CARMIL1: variants seen among roughly 807,000 people sequenced by gnomAD.
The protein encoded by CARMIL1 is F-actin-uncapping protein LRRC16A.
CARMIL1 carries 90 observed loss-of-function variants against 177.1 expected under a neutral mutation model. The observed-to-expected ratio is 0.51, with a 90% CI of 0.43 to 0.61. CARMIL1 has a LOEUF of 0.61. Ranked by LOEUF, CARMIL1 falls within the 20% of genes least tolerant of loss-of-function variation. The pLI is 0.00. For missense variants in CARMIL1, 1,380 were observed against 1,667.0 expected, an observed-to-expected ratio of 0.83 and a Z score of 3.00; for synonymous variants, 577 against 606.2, an observed-to-expected ratio of 0.95 and a Z score of 0.71.
chr6:25,408,639 G>GA (rs1794625476), intron 2 of CARMIL1, among the ~76,000 whole-genome samples: 1 of 151,928 alleles, frequency 6.6e-6, no homozygotes, highest in African/African-American at 2.4e-5. Context: ...TAAGTGGTGG[G>GA]ACCAGAATTC....
intron 2 of CARMIL1, among the ~76,000 whole-genome samples, chr6:25,294,447 A>G (rs573544612): frequency 1.3e-5 from 2 of 152,236 alleles, no homozygotes; most frequent in South Asian, 4.2e-4. Context: ...CATGTGTCCT[A>G]ACCTAGGAGA....
chr6:25,619,109 C>T (rs979058517), intron 36 of CARMIL1, among the ~76,000 whole-genome samples: 5 of 152,140 alleles, frequency 3.3e-5, no homozygotes, highest in African/African-American at 7.2e-5. Context: ...GGAGCAGAAC[C>T]GCTTCAAAGC....
chr6:25,572,702 C>CA (rs35085655), intron 29 of CARMIL1, among the ~76,000 whole-genome samples: 10,662 of 52,256 alleles, frequency 0.2, 1,153 homozygotes, highest in East Asian at 0.44. Flanking sequence ...GACCTTGTCT[C>CA]AAAAAAAAAA....
At chr6:25,613,792 T>G (rs1816680669) in intron 36 of CARMIL1, among the ~76,000 whole-genome samples, 1 of 152,226 alleles carries the variant, frequency 6.6e-6, no homozygotes, top group African/African-American at 2.4e-5. Context: ...GCTCTTGGAA[T>G]GAGGCTCTTT....
At position 25,551,012 on chromosome 6, in the gene CARMIL1, A is replaced by G; in HGVS notation, c.2431A>G (p.Ile811Val). 6.2e-7 allele frequency: 1 copy of G among 1,613,488 alleles called. No individual in the cohort carries two copies. The highest frequency in any genetic ancestry group is 8.5e-7 in the Non-Finnish European group (1 of 1,179,554). ...CTTGATTCATGCCAGCACCGAAAAG[A>G]TTTCTATTCCACGTACCTTTGTTAA... ...QDLIHASTEK[I>V]SIPRTFVKNV... Residue 811 changes from isoleucine to valine, a missense_variant, in exon 27 of 37, where the codon ATT (isoleucine) becomes GTT (valine). Transcript: ENST00000329474.
chr6:25,542,863 T>C (rs1184938054), intron 26 of CARMIL1, among the ~76,000 whole-genome samples: 9 of 152,182 alleles, frequency 5.9e-5, no homozygotes, highest in Admixed American at 5.9e-4. Context: ...AGGGAAAATG[T>C]ATTTTTAATA....
chr6:25,321,875 G>A (rs992893684), intron 2 of CARMIL1, among the ~76,000 whole-genome samples: 1 of 151,998 alleles, frequency 6.6e-6, no homozygotes, highest in Admixed American at 6.6e-5. Flanking sequence ...AGCCAGGATG[G>A]TCTCAATCTC....
chr6:25,585,543 A>AT (rs1813558445), intron 31 of CARMIL1, among the ~76,000 whole-genome samples: 1 of 150,932 alleles, frequency 6.6e-6, no homozygotes, highest in African/African-American at 2.4e-5. Flanking sequence ...CTATTTTTTT[A>AT]TTTATTTTTT....
chr6:25,423,283 A>C lies in CARMIL1; in HGVS notation c.189+3119A>C, dbSNP rs138119974. Among the ~76,000 whole-genome samples the C allele has an allele frequency of 1.4e-3, 220 of 152,370 alleles. 2 individuals are homozygous for C. Among genetic ancestry groups the C allele is most frequent in the African/African-American group, 4.9e-3 (202 of 41,590 alleles). On this transcript the variant is annotated intron_variant, in intron 3 of 36. Coordinates refer to ENST00000329474, the MANE Select transcript of CARMIL1 (RefSeq NM_017640.6). Reference sequence around the variant, plus strand: ...TGCACAAAACGGACATGTGCATCTCAGTAATTAACTACGAAGCAAACACTT... The same window carrying C: ...TGCACAAAACGGACATGTGCATCTCCGTAATTAACTACGAAGCAAACACTT...
At chr6:25,293,265 G>GGGGTGTGTGTGT (rs758708389) in intron 2 of CARMIL1, among the ~76,000 whole-genome samples, 6 of 134,300 alleles carry the variant, frequency 4.5e-5, no homozygotes, top group East Asian at 2.2e-4. Flanking sequence ...AAGGATGCTT[G>GGGGTGTGTGTGT]GTGTGTGTGT....
chr6:25,454,890 T>G (rs1051724845), intron 8 of CARMIL1, among the ~76,000 whole-genome samples: 3 of 152,010 alleles, frequency 2.0e-5, no homozygotes, highest in African/African-American at 4.8e-5. Flanking sequence ...GTGATGTGTG[T>G]GGGTTATTCT....
chr6:25,573,728 A>G (rs567838783), intron 29 of CARMIL1, among the ~76,000 whole-genome samples: 1 of 151,752 alleles, frequency 6.6e-6, no homozygotes, highest in South Asian at 2.1e-4. Context: ...CATCTAGTCC[A>G]TCTCAGTTCT....
chr6:25,377,684 A>G (rs1205820565), intron 2 of CARMIL1, among the ~76,000 whole-genome samples: 1 of 152,174 alleles, frequency 6.6e-6, no homozygotes, highest in Non-Finnish European at 1.5e-5. Flanking sequence ...TAGTAGATGA[A>G]CTGGTCACAT....
chr6:25,494,725 A>T (rs551099360), intron 15 of CARMIL1, among the ~76,000 whole-genome samples: 1 of 152,324 alleles, frequency 6.6e-6, no homozygotes, highest in African/African-American at 2.4e-5. Flanking sequence ...AACATTGCCA[A>T]ATGCAGATAT....
At chr6:25,593,254 T>C (rs1377075955) in intron 31 of CARMIL1, among the ~76,000 whole-genome samples, 1 of 152,190 alleles carries the variant, frequency 6.6e-6, no homozygotes, top group East Asian at 1.9e-4. Context: ...CCAGATTACA[T>C]TAAATTATTC....
intron 26 of CARMIL1, among the ~76,000 whole-genome samples, chr6:25,546,634 G>T (rs1007778798): frequency 1.4e-5 from 2 of 143,532 alleles, no homozygotes; most frequent in Non-Finnish European, 3.1e-5. Context: ...CAGCCTGGGT[G>T]GCGGAATGAG....
chr6:25,306,333 G>A (rs915612295), intron 2 of CARMIL1, among the ~76,000 whole-genome samples: 3 of 152,160 alleles, frequency 2.0e-5, no homozygotes, highest in Admixed American at 2.0e-4. Context: ...TACCGCCTGA[G>A]TTCTACCTCC....
chr6:25,352,339 T>G (rs1581658192), intron 2 of CARMIL1, among the ~76,000 whole-genome samples: 1 of 150,046 alleles, frequency 6.7e-6, no homozygotes, highest in Non-Finnish European at 1.5e-5. Flanking sequence ...TTTTTTGAGG[T>G]GAGGCTAAAC....
At chr6:25,321,871 G>C (rs960170187) in intron 2 of CARMIL1, among the ~76,000 whole-genome samples, 6 of 152,100 alleles carry the variant, frequency 3.9e-5, no homozygotes, top group Admixed American at 3.9e-4. Context: ...TGTTAGCCAG[G>C]ATGGTCTCAA....
Sources: allele counts gnomAD v4.1 joint callset (sites outside exome capture counted in the v4.1 genomes callset), GRCh38; gene constraint gnomAD v4.1.1; transcripts MANE v1.5; gene names NCBI Gene and HGNC (gene_info 2026-07-23, HGNC 2026-07-21).